The following FGGY variants were observed in gnomAD, a reference collection of about 807,000 sequenced individuals.
The protein encoded by FGGY is FGGY carbohydrate kinase domain containing.
FGGY carries 72 observed loss-of-function variants against 71.3 expected under a neutral mutation model. The observed-to-expected ratio is 1.01, with a 90% CI of 0.84 to 1.23. The LOEUF (loss-of-function observed/expected upper bound fraction) is 1.23, where lower values mean the gene tolerates loss of function less well. FGGY is among the 50% of genes most tolerant of loss of function. The pLI, the probability that FGGY is intolerant of heterozygous loss-of-function variation, is 0.00. For synonymous variants in FGGY, 251 were observed against 250.3 expected, an observed-to-expected ratio of 1.00 and a Z score of -0.02; for missense variants, 668 against 682.3, an observed-to-expected ratio of 0.98 and a Z score of 0.23.
At position 59,370,813 on chromosome 1, in the gene FGGY, A is replaced by G. The variant is rs1215136018; in HGVS notation, c.466-7936A>G. ...TTCATATCCAGCCAAATTAAGCTTC[A>G]TAAGTGAAGGAGAAATAAAATACTT... is the stretch of plus-strand genomic sequence containing the variant. On this transcript the variant is annotated intron_variant, in intron 4 of 15. Transcript: ENST00000303721. Among the ~76,000 whole-genome samples the G allele has an allele frequency of 2.0e-5, 3 of 151,750 alleles. No homozygotes were observed. The East Asian group carries it at 5.8e-4, about 29-fold the overall frequency.
chr1:59,578,314 G>A (rs1015128407), intron 8 of FGGY, among the ~76,000 whole-genome samples: 1 of 152,016 alleles, frequency 6.6e-6, no homozygotes, highest in African/African-American at 2.4e-5. Context: ...CGGAGAGATA[G>A]CCAGCTTTGG....
chr1:59,681,804 A>G (rs1230625320), intron 14 of FGGY, among the ~76,000 whole-genome samples: 1 of 83,578 alleles, frequency 1.2e-5, no homozygotes, highest in South Asian at 4.3e-4. Flanking sequence ...ACACACACAC[A>G]TGCACACACA....
chr1:59,596,574 G>A (rs1319267881), intron 8 of FGGY, among the ~76,000 whole-genome samples: 2 of 151,882 alleles, frequency 1.3e-5, no homozygotes, highest in Admixed American at 1.3e-4. Flanking sequence ...TTGATTTTCT[G>A]AAGCTCAGTT....
intron 6 of FGGY, among the ~76,000 whole-genome samples, chr1:59,462,330 C>T (rs1204051490): frequency 4.6e-5 from 7 of 152,096 alleles, no homozygotes; most frequent in East Asian, 1.9e-4. Context: ...AAGACTTAAC[C>T]GTTAGACCTA....
At chr1:59,503,594 C>CATATATATATATATATATATATATATAT (rs71046332) in intron 6 of FGGY, among the ~76,000 whole-genome samples, 2 of 127,696 alleles carry the variant, frequency 1.6e-5, no homozygotes, top group African/African-American at 3.1e-5. Context: ...GTGGTGTCGC[C>CATATATATATATATATATATATATATAT]ATATATATAT....
Position 59,346,344 on chromosome 1 carries a change from CG to C in FGGY, c.418del (p.Val140Ter), listed in dbSNP as rs145440779. On this transcript the variant is annotated frameshift_variant, in exon 4 of 16. Transcript: ENST00000303721. LOFTEE classifies it high-confidence loss of function. Reference sequence around the variant, plus strand: ...CCAAGCACAGTGTCCTCCAGTACGTCGGGGGGGTGATGTCTGTGGAAATGCA... The same window carrying C: ...CCAAGCACAGTGTCCTCCAGTACGTCGGGGGGTGATGTCTGTGGAAATGCA... ...ETKHSVLQYV[G>X]GVMSVEMQAP... 7 of 1,611,606 alleles carry C rather than the reference CG, an allele frequency of 4.3e-6. No individual in the cohort carries two copies. The highest frequency in any genetic ancestry group is 4.5e-5 in the East Asian group (2 of 44,858).
intron 5 of FGGY, among the ~76,000 whole-genome samples, chr1:59,436,168 C>T (rs2068420825): frequency 6.6e-6 from 1 of 152,144 alleles, no homozygotes; most frequent in Non-Finnish European, 1.5e-5. Context: ...CCTCAATTGT[C>T]TGCACATCCT....
At chr1:59,493,774 A>G (rs964865262) in intron 6 of FGGY, among the ~76,000 whole-genome samples, 15 of 152,212 alleles carry the variant, frequency 9.9e-5, no homozygotes, top group Non-Finnish European at 2.1e-4. Context: ...ATGCATAAAA[A>G]CAGTTAAGAT....
intron 1 of FGGY, among the ~76,000 whole-genome samples, chr1:59,310,714 G>A (rs1356797588): frequency 1.3e-5 from 2 of 152,092 alleles, no homozygotes; most frequent in Non-Finnish European, 2.9e-5. Flanking sequence ...TTTCTCCATC[G>A]TCCTTCTCTC....
At chr1:59,456,430 A>C (rs1178588656) in intron 5 of FGGY, among the ~76,000 whole-genome samples, 1 of 152,014 alleles carries the variant, frequency 6.6e-6, no homozygotes, top group Non-Finnish European at 1.5e-5. Context: ...ATCAGGATCC[A>C]AATAAAGGAC....
intron 7 of FGGY, among the ~76,000 whole-genome samples, chr1:59,547,228 G>A (rs11811767): frequency 0.067 from 10,240 of 152,022 alleles, 734 homozygotes; most frequent in African/African-American, 0.18. Flanking sequence ...TGAGATTACG[G>A]GCATAAGCCA....
chr1:59,586,319 A>G (rs2096285757), intron 8 of FGGY, among the ~76,000 whole-genome samples: 2 of 152,226 alleles, frequency 1.3e-5, no homozygotes, highest in Admixed American at 6.5e-5. Context: ...ACCATGGAAT[A>G]CTATGCAGCC....
At chr1:59,603,859 T>C (rs1000314007) in intron 8 of FGGY, among the ~76,000 whole-genome samples, 4 of 152,180 alleles carry the variant, frequency 2.6e-5, no homozygotes, top group African/African-American at 4.8e-5. Flanking sequence ...GATGAAAGAC[T>C]CAAAGAAGTA....
chr1:59,508,233 A>G (rs185121515), intron 6 of FGGY, among the ~76,000 whole-genome samples: 75 of 152,310 alleles, frequency 4.9e-4, no homozygotes, highest in African/African-American at 1.7e-3. Context: ...AGCATTTTCT[A>G]CATGGCCCTA....
At chr1:59,333,256 C>G (rs935945885) in intron 2 of FGGY, among the ~76,000 whole-genome samples, 2 of 152,196 alleles carry the variant, frequency 1.3e-5, no homozygotes, top group Non-Finnish European at 2.9e-5. Flanking sequence ...CCAAGTCAGA[C>G]ATGCACTTTC....
intron 5 of FGGY, among the ~76,000 whole-genome samples, chr1:59,392,457 T>G (rs1433033140): frequency 6.6e-6 from 1 of 152,136 alleles, no homozygotes; most frequent in Admixed American, 6.6e-5. Context: ...CATATCAGAC[T>G]TTTCTCATCT....
intron 14 of FGGY, among the ~76,000 whole-genome samples, chr1:59,720,071 G>A (rs996680591): frequency 4.6e-5 from 7 of 152,164 alleles, no homozygotes; most frequent in South Asian, 4.1e-4. Flanking sequence ...GAGTGTTCTC[G>A]TGCCTTTGTT....
At chr1:59,392,582 A>G (rs1190069381) in intron 5 of FGGY, among the ~76,000 whole-genome samples, 1 of 151,924 alleles carries the variant, frequency 6.6e-6, no homozygotes, top group Non-Finnish European at 1.5e-5. Context: ...CTCCTTTAAA[A>G]CTCATTCCTT....
chr1:59,732,257 A>G (rs961197641), intron 14 of FGGY, among the ~76,000 whole-genome samples: 4 of 152,156 alleles, frequency 2.6e-5, no homozygotes, highest in African/African-American at 9.7e-5. Flanking sequence ...CCATGTACAT[A>G]TGGGCTTAGC....
Sources: allele counts gnomAD v4.1 joint callset (sites outside exome capture counted in the v4.1 genomes callset), GRCh38; gene constraint gnomAD v4.1.1; transcripts MANE v1.5; gene names NCBI Gene and HGNC (gene_info 2026-07-23, HGNC 2026-07-21).